Variants in DLG2 observed in about 807,000 individuals in gnomAD.
DLG2 encodes the protein discs large MAGUK scaffold protein 2.
A neutral mutation model predicts 132.5 loss-of-function variants in DLG2; 45 were observed. The ratio of observed to expected loss-of-function variants is 0.34; its 90% confidence interval spans 0.27 to 0.44. DLG2 has a LOEUF of 0.44. Among genes scored for constraint, DLG2 ranks in the 20% least tolerant of loss-of-function variants. The pLI is 1.00. For synonymous variants in DLG2, 424 were observed against 419.6 expected (o/e 1.01, Z -0.13); for missense variants, 1,045 against 1,196.9 (o/e 0.87, Z 1.87).
At chr11:83,475,130 T>C (rs2092483490) in intron 22 of DLG2, among the ~76,000 whole-genome samples, 1 of 152,152 alleles carries the variant, frequency 6.6e-6, no homozygotes, top group South Asian at 2.1e-4. Context: ...AATCAGGTAC[T>C]GTGTAATACC....
At chr11:84,761,864 C>G (rs2067672997) in intron 6 of DLG2, among the ~76,000 whole-genome samples, 1 of 152,154 alleles carries the variant, frequency 6.6e-6, no homozygotes, top group South Asian at 2.1e-4. Flanking sequence ...ATATATTCAT[C>G]TATCTTATCC....
chr11:85,542,784 A>C (rs1172427814), intron 3 of DLG2, among the ~76,000 whole-genome samples: 1 of 152,256 alleles, frequency 6.6e-6, no homozygotes, highest in African/African-American at 2.4e-5. Flanking sequence ...TTAATGTTTC[A>C]AAAAGTAAAA....
At chr11:85,441,647 C>T (rs1024633604) in intron 3 of DLG2, among the ~76,000 whole-genome samples, 4 of 152,072 alleles carry the variant, frequency 2.6e-5, no homozygotes, top group Non-Finnish European at 2.9e-5. Context: ...GACTTTATAG[C>T]TTTCACAAAA....
chr11:83,919,016 G>A (rs926639058), intron 15 of DLG2, among the ~76,000 whole-genome samples: 5 of 152,158 alleles, frequency 3.3e-5, no homozygotes, highest in African/African-American at 4.8e-5. Context: ...TGACAAAGGT[G>A]AGAAGAGTAA....
chr11:85,241,250 C>A (rs935643528), intron 4 of DLG2, among the ~76,000 whole-genome samples: 1 of 151,760 alleles, frequency 6.6e-6, no homozygotes. Flanking sequence ...TTATATCCAG[C>A]TTCCTGTTAA....
chr11:84,588,925 C>A (rs1159623443), intron 6 of DLG2, among the ~76,000 whole-genome samples: 2 of 152,074 alleles, frequency 1.3e-5, no homozygotes, highest in Non-Finnish European at 2.9e-5. Flanking sequence ...TTCTTTCTTG[C>A]CTGAGATCAA....
At chr11:85,535,250 G>GA (rs964013698) in intron 3 of DLG2, among the ~76,000 whole-genome samples, 1 of 151,058 alleles carries the variant, frequency 6.6e-6, no homozygotes, top group Non-Finnish European at 1.5e-5. Flanking sequence ...ACTTTGAGGA[G>GA]AAAAAAGAAA....
At chr11:84,064,871 A>G (rs1489569930) in intron 10 of DLG2, among the ~76,000 whole-genome samples, 1 of 152,174 alleles carries the variant, frequency 6.6e-6, no homozygotes, top group Non-Finnish European at 1.5e-5. Context: ...AAAAACAGAC[A>G]CACAGACCAC....
At chr11:84,513,717 A>G (rs1338201618) in intron 7 of DLG2, among the ~76,000 whole-genome samples, 1 of 152,082 alleles carries the variant, frequency 6.6e-6, no homozygotes, top group African/African-American at 2.4e-5. Context: ...AAGACCTGAT[A>G]CTATGAAAGC....
chr11:83,491,010 T>A (rs2138183148), intron 21 of DLG2, among the ~76,000 whole-genome samples: 1 of 152,092 alleles, frequency 6.6e-6, no homozygotes, highest in Non-Finnish European at 1.5e-5. Context: ...CTACTTTTTA[T>A]ATGTTTAAAA....
At chr11:83,776,925 T>C (rs1348460734) in intron 18 of DLG2, among the ~76,000 whole-genome samples, 2 of 152,226 alleles carry the variant, frequency 1.3e-5, no homozygotes, top group Admixed American at 1.3e-4. Context: ...TTTGAGTACC[T>C]AGACTTTAAG....
intron 6 of DLG2, among the ~76,000 whole-genome samples, chr11:84,967,910 AG>A (rs2154112944): frequency 6.6e-6 from 1 of 152,234 alleles, no homozygotes; most frequent in South Asian, 2.1e-4. Context: ...AGCTTCTAAA[AG>A]GTCCTGTTCT....
intron 4 of DLG2, among the ~76,000 whole-genome samples, chr11:85,197,856 T>C (rs1443194175): frequency 1.3e-5 from 2 of 152,304 alleles, no homozygotes; most frequent in African/African-American, 4.8e-5. Flanking sequence ...CTGCCATTTA[T>C]TATTCGCATG....
At chr11:84,888,864 A>G (rs2088815896) in intron 6 of DLG2, among the ~76,000 whole-genome samples, 1 of 152,126 alleles carries the variant, frequency 6.6e-6, no homozygotes. Flanking sequence ...TAAGCAGCAA[A>G]TATACATCAT....
chr11:84,534,911 A>G (rs1384228360), intron 6 of DLG2, 180 bp from the exon 7 acceptor site: 15 of 751,942 alleles, frequency 2.0e-5, no homozygotes, highest in South Asian at 4.3e-5. Context: ...AAATGCAAGC[A>G]GAACTGAGTT....
intron 3 of DLG2, among the ~76,000 whole-genome samples, chr11:85,403,338 T>C (rs2088376979): frequency 6.6e-6 from 1 of 151,922 alleles, no homozygotes; most frequent in Non-Finnish European, 1.5e-5. Flanking sequence ...TTGGGGCCTG[T>C]CAGTTGGTGG....
chr11:84,605,975 G>A lies in DLG2; in HGVS notation c.358-71244C>T, dbSNP rs138910900. 3.0e-3 allele frequency among the ~76,000 whole-genome samples: 450 copies of A among 151,920 alleles called. 1 individual carries two copies. Among genetic ancestry groups the A allele is most frequent in the African/African-American group, 1.0e-2 (413 of 41,500 alleles). ...TCTAGTCATAACTGACCTCTTTTTT[G>A]AATGTCTTCAGTGCATTTCTTTTTC... On this transcript the variant is annotated intron_variant, in intron 6 of 27. Coordinates refer to ENST00000376104, the MANE Select transcript of DLG2 (RefSeq NM_001142699.3).
intron 6 of DLG2, among the ~76,000 whole-genome samples, chr11:85,103,471 T>A (rs1436937579): frequency 1.3e-5 from 2 of 151,960 alleles, no homozygotes; most frequent in Non-Finnish European, 2.9e-5. Context: ...TCAGTTGATT[T>A]TCAACAGAAG....
chr11:83,691,826 T>C (rs993933160), intron 18 of DLG2, among the ~76,000 whole-genome samples: 3 of 139,742 alleles, frequency 2.1e-5, no homozygotes, highest in African/African-American at 9.3e-5. Context: ...AATTTTTTCC[T>C]GGACGGTATC....
Sources: gnomAD v4.1 joint callset for allele counts (sites outside exome capture counted in the v4.1 genomes callset) on GRCh38, gnomAD v4.1.1 for gene constraint, MANE v1.5 for transcripts, NCBI Gene and HGNC (gene_info 2026-07-23, HGNC 2026-07-21) for gene names.